NR4A3: variants seen among roughly 807,000 people sequenced by gnomAD.
The protein encoded by NR4A3 is chondrosarcoma, extraskeletal myxoid, fused to EWS.
Under a neutral mutation model 55.6 loss-of-function variants are expected in NR4A3, and 13 were observed. The observed-to-expected ratio is 0.23, with a 90% CI of 0.15 to 0.37. The LOEUF (loss-of-function observed/expected upper bound fraction) is 0.37, where lower values mean the gene tolerates loss of function less well. NR4A3 is among the 10% of genes least tolerant of loss of function. NR4A3 has a pLI of 1.00. For synonymous variants in NR4A3, 342 were observed against 357.9 expected (o/e 0.96, Z 0.50); for missense variants, 646 against 822.8 (o/e 0.79, Z 2.63).
intron 5 of NR4A3, among the ~76,000 whole-genome samples, chr9:99,840,025 T>C (rs1827625357): frequency 6.6e-6 from 1 of 152,266 alleles, no homozygotes; most frequent in Non-Finnish European, 1.5e-5. Flanking sequence ...TCCGTTCCTT[T>C]ACATCTTATG....
At chr9:99,826,794 A>C (rs965233521) in intron 2 of NR4A3, 4 of 1,613,724 alleles carry the variant, frequency 2.5e-6, no homozygotes, top group Non-Finnish European at 3.4e-6. Context: ...TCAGATTTGG[A>C]AATGTGGGTA....
Position 99,828,429 on chromosome 9 carries a change from C to G in NR4A3, c.387C>G (p.Pro129=). 1 of 1,584,296 alleles carries G rather than the reference C, an allele frequency of 6.3e-7. No homozygotes were observed. The highest frequency in any genetic ancestry group is 2.2e-5 in the East Asian group (1 of 44,706). The stretch of plus-strand genomic sequence containing the variant: ...CCAGCCCGGAGGACGAGGTGCTGCC[C>G]AGCACCTCCATGTACTTCAAGCAGT... The part of the protein sequence containing the change: ...PASSPEDEVL[P]STSMYFKQSP... Residue 129 remains proline (P), a synonymous_variant, in exon 3 of 8, where the codon CCC becomes CCG. Coordinates refer to ENST00000395097, the MANE Select transcript of NR4A3 (RefSeq NM_006981.4). The surrounding 1 kb of genome is among the most constrained non-coding windows in gnomAD (Gnocchi z 7.7).
chr9:99,840,018 G>A (rs962619710), intron 5 of NR4A3, among the ~76,000 whole-genome samples: 3 of 152,194 alleles, frequency 2.0e-5, no homozygotes, highest in South Asian at 2.1e-4. Context: ...GTTTTGTTCC[G>A]TTCCTTTACA....
At position 99,866,232 on chromosome 9, in the gene NR4A3, T is replaced by G. The variant is rs1828095917; in HGVS notation, c.*2365T>G. On this transcript the variant is annotated 3_prime_UTR_variant, in exon 8 of 8. Coordinates refer to ENST00000395097, the MANE Select transcript of NR4A3 (RefSeq NM_006981.4). The stretch of plus-strand genomic sequence containing the variant: ...CAAATTCAAATTGAATTTGAATAAA[T>G]TAGAAATACTGTGCATACATAACCT... 4.6e-6 allele frequency: 1 copy of G among 217,744 alleles called. No individual in the cohort carries two copies. Among genetic ancestry groups the G allele is most frequent in the Non-Finnish European group, 9.2e-6 (1 of 108,208 alleles). 13.5% of individuals were successfully genotyped at this position (217,744 alleles called of 1,614,324 possible). A position where few individuals can be genotyped will look rare whatever the true frequency, so the allele number is the denominator to read the frequency against.
At position 99,844,826 on chromosome 9, in the gene NR4A3, T is replaced by A; in HGVS notation, c.1432T>A (p.Phe478Ile). 3 of 1,614,134 alleles carry A rather than the reference T, an allele frequency of 1.9e-6. No homozygotes were observed. The highest frequency in any genetic ancestry group is 2.5e-6 in the Non-Finnish European group (3 of 1,179,932). ...LLIESAFLEL[F>I]VLRLSIRSNT... ...TATTGAATCAGCCTTTTTGGAGCTGTTTGTCCTCAGACTTTCCATCAGGTA... is the reference window on the plus strand; with the variant it reads ...TATTGAATCAGCCTTTTTGGAGCTGATTGTCCTCAGACTTTCCATCAGGTA... Residue 478 changes from phenylalanine to isoleucine, a missense_variant, in exon 6 of 8, where the codon TTT (phenylalanine) becomes ATT (isoleucine). Physicochemically the swap from Phe to Ile is conservative, Grantham distance 21 (BLOSUM62 0). Coordinates refer to ENST00000395097, the MANE Select transcript of NR4A3 (RefSeq NM_006981.4).
At chr9:99,824,560 TGGACCTG>T (rs1045011680) in intron 1 of NR4A3, among the ~76,000 whole-genome samples, 1 of 152,212 alleles carries the variant, frequency 6.6e-6, no homozygotes, top group Non-Finnish European at 1.5e-5. Context: ...GAGGGTTTCC[TGGACCTG>T]GGAGCCCCGA....
intron 5 of NR4A3, among the ~76,000 whole-genome samples, chr9:99,834,463 T>C (rs1352136417): frequency 6.6e-6 from 1 of 152,182 alleles, no homozygotes; most frequent in Admixed American, 6.6e-5. Flanking sequence ...ATTGTAGGAA[T>C]CATTATCCCT....
At chr9:99,842,699 C>T (rs1473700774) in intron 5 of NR4A3, among the ~76,000 whole-genome samples, 1 of 151,840 alleles carries the variant, frequency 6.6e-6, no homozygotes, top group East Asian at 1.9e-4. Flanking sequence ...CACTGCACCC[C>T]AGCCTGGGCG....
Position 99,828,998 on chromosome 9 carries a change from G to T in NR4A3, c.951+5G>T. 1 of 1,341,992 alleles carries T rather than the reference G, an allele frequency of 7.5e-7. No individual in the cohort carries two copies. Among genetic ancestry groups the T allele is most frequent in the African/African-American group, 1.5e-5 (1 of 66,634 alleles). 83.1% of individuals were successfully genotyped at this position (1,341,992 alleles called of 1,614,324 possible). On this transcript the variant is annotated splice_donor_5th_base_variant and intron_variant, in intron 3 of 7. Transcript: ENST00000395097. The surrounding 1 kb of genome is among the most constrained non-coding windows in gnomAD (Gnocchi z 7.7). The stretch of plus-strand genomic sequence containing the variant: ...GGCTGCAAGGGCTTTTTCAAGGTGA[G>T]CGCACGCCGCCCCCTCCCCTCCGCA...
At chr9:99,829,115 T>TC in intron 3 of NR4A3, 122 bp downstream of exon 3, 3 of 1,130,508 alleles carry the variant, frequency 2.7e-6, no homozygotes, top group East Asian at 3.2e-5. Context: ...CATCATGCTT[T>TC]CCTACAGCCC....
chr9:99,826,906 G>T, intron 2 of NR4A3: 3 of 1,191,280 alleles, frequency 2.5e-6, no homozygotes, highest in Non-Finnish European at 2.4e-6. Flanking sequence ...GTTTTCCTTT[G>T]GCTCAGAAAA....
At chr9:99,826,942 T>C (rs1159181387) in intron 2 of NR4A3, 3 of 696,308 alleles carry the variant, frequency 4.3e-6, no homozygotes, top group Admixed American at 2.6e-5. Context: ...CCGCCGTTTT[T>C]TACCATTTAT....
At chr9:99,834,581 G>A (rs942594518) in intron 5 of NR4A3, among the ~76,000 whole-genome samples, 1 of 152,200 alleles carries the variant, frequency 6.6e-6, no homozygotes, top group African/African-American at 2.4e-5. Context: ...CGGTTGATCT[G>A]TCTTGGTGGC....
At chr9:99,827,057 C>T (rs1587871247) in intron 2 of NR4A3, among the ~76,000 whole-genome samples, 1 of 152,186 alleles carries the variant, frequency 6.6e-6, no homozygotes, top group African/African-American at 2.4e-5. Flanking sequence ...ATAGTAAGCA[C>T]CCTGGATACC....
intron 6 of NR4A3, among the ~76,000 whole-genome samples, chr9:99,845,261 T>C (rs1827733761): frequency 1.3e-5 from 2 of 152,230 alleles, no homozygotes; most frequent in African/African-American, 4.8e-5. Flanking sequence ...CGTGGGTTTC[T>C]GTTTAACAAG....
chr9:99,841,247 A>AT (rs1827646025), intron 5 of NR4A3, among the ~76,000 whole-genome samples: 1 of 148,352 alleles, frequency 6.7e-6, no homozygotes, highest in Middle Eastern at 3.3e-3. Flanking sequence ...AAAAAAAAAA[A>AT]GGAGGAGGTA....
chr9:99,850,605 C>T (rs141469508), intron 7 of NR4A3, among the ~76,000 whole-genome samples: 65 of 152,268 alleles, frequency 4.3e-4, no homozygotes, highest in African/African-American at 1.5e-3. Context: ...TTTGGCATGG[C>T]AGAAATAGCA....
chr9:99,824,550 G>A (rs1249123752), intron 1 of NR4A3, among the ~76,000 whole-genome samples: 1 of 152,218 alleles, frequency 6.6e-6, no homozygotes, highest in Non-Finnish European at 1.5e-5. Context: ...CCTGGTCGTC[G>A]AGGGTTTCCT....
intron 5 of NR4A3, among the ~76,000 whole-genome samples, chr9:99,837,181 T>G (rs1018179835): frequency 1.3e-5 from 2 of 152,194 alleles, no homozygotes; most frequent in Non-Finnish European, 2.9e-5. Context: ...TTGCTGACCA[T>G]CACATATATT....
Sources: gnomAD v4.1 joint callset for allele counts (sites outside exome capture counted in the v4.1 genomes callset) on GRCh38, gnomAD v4.1.1 for gene constraint, Gnocchi (gnomAD v3.1) non-coding constraint, MANE v1.5 for transcripts, NCBI Gene and HGNC (gene_info 2026-07-23, HGNC 2026-07-21) for gene names.